SLA: variants seen among roughly 807,000 people sequenced by gnomAD.
The protein encoded by SLA is Src like adaptor, also known as src-like-adapter.
Under a neutral mutation model 30.3 loss-of-function variants are expected in SLA, and 16 were observed. That is an observed-to-expected ratio of 0.53 (90% CI 0.36 to 0.80). The LOEUF is 0.80. Ranked by LOEUF, SLA falls within the 30% of genes least tolerant of loss-of-function variation. The pLI is 0.01. For missense variants in SLA, 310 were observed against 345.2 expected (o/e 0.90, Z 0.81); for synonymous variants, 143 against 137.8 (o/e 1.04, Z -0.26).
At chr8:133,051,084 G>T (rs140451912) in intron 3 of SLA, among the ~76,000 whole-genome samples, 169 bp from the exon 4 acceptor site, 320 of 152,320 alleles carry the variant, frequency 2.1e-3, no homozygotes, top group Non-Finnish European at 3.3e-3. Context: ...AGATGGCTCT[G>T]CAGGGTGTGC....
At chr8:133,050,752 C>G in intron 4 of SLA, 64 bp downstream of exon 4, 1 of 1,089,014 alleles carries the variant, frequency 9.2e-7, no homozygotes, top group Non-Finnish European at 1.4e-6. Flanking sequence ...CAATCAAATA[C>G]TTTTCTCCCA....
chr8:133,049,835 G>C lies in SLA; in HGVS notation c.248+67C>G, dbSNP rs538701509. On this transcript the variant is annotated intron_variant, in intron 5 of 8. Transcript: ENST00000338087. The stretch of plus-strand genomic sequence containing the variant: ...TACCACTATGAATGCTGGAATCTTT[G>C]TTCCACCTTATGAGTCACCAGCATA... 2.1e-4 allele frequency: 223 copies of C among 1,047,118 alleles called. 1 individual carries two copies. In the African/African-American group the frequency reaches 2.9e-3, roughly 14 times the overall value. 64.9% of individuals were successfully genotyped at this position (1,047,118 alleles called of 1,614,324 possible). A position where few individuals can be genotyped will look rare whatever the true frequency, so the allele number is the denominator to read the frequency against.
intron 3 of SLA, among the ~76,000 whole-genome samples, chr8:133,054,492 C>A (rs1283162776): frequency 6.6e-6 from 1 of 152,174 alleles, no homozygotes; most frequent in Non-Finnish European, 1.5e-5. Flanking sequence ...TTGCCAAAAT[C>A]TGCCTCATAG....
intron 3 of SLA, among the ~76,000 whole-genome samples, 178 bp from the exon 4 acceptor site, chr8:133,051,093 G>A (rs1192908220): frequency 1.3e-5 from 2 of 152,162 alleles, no homozygotes; most frequent in Non-Finnish European, 2.9e-5. Context: ...TGCAGGGTGT[G>A]CGTACGAGCC....
intron 1 of SLA, among the ~76,000 whole-genome samples, chr8:133,089,406 A>G (rs1342124819): frequency 6.6e-6 from 1 of 152,186 alleles, no homozygotes; most frequent in Non-Finnish European, 1.5e-5. Flanking sequence ...AGCACTGAGA[A>G]TGCAAAGACA....
At chr8:133,087,812 G>A (rs1290672806) in intron 1 of SLA, 1 of 152,192 alleles carries the variant, frequency 6.6e-6, no homozygotes, top group Non-Finnish European at 1.5e-5. Context: ...GGGACTGGAT[G>A]CCTGTGAATG....
Position 133,036,919 on chromosome 8 carries a change from G to A in SLA, c.*1605C>T, listed in dbSNP as rs1479795481. 1 of 152,368 alleles carries A rather than the reference G, an allele frequency of 6.6e-6. No homozygotes were observed. The highest frequency in any genetic ancestry group is 1.5e-5 in the Non-Finnish European group (1 of 68,038). The allele number at this position is 152,368 out of a possible 1,614,324, so 9.4% of individuals were successfully genotyped here. A position where few individuals can be genotyped will look rare whatever the true frequency, so the allele number is the denominator to read the frequency against. ...AGTTCAGGGGGTCACCCTGCCTTAT[G>A]CGGGAAGTCAATGTCCACAGTGTTA... is the stretch of plus-strand genomic sequence containing the variant. On this transcript the variant is annotated 3_prime_UTR_variant, in exon 9 of 9. Transcript: ENST00000338087.
At chr8:133,066,138 A>G (rs1192662871) in intron 2 of SLA, among the ~76,000 whole-genome samples, 2 of 152,088 alleles carry the variant, frequency 1.3e-5, no homozygotes, top group African/African-American at 2.4e-5. Flanking sequence ...CCTGGCTGAC[A>G]TGGTGAAACC....
intron 5 of SLA, 70 bp downstream of exon 5, chr8:133,049,832 T>C: frequency 1.9e-6 from 2 of 1,033,892 alleles, no homozygotes; most frequent in Admixed American, 3.4e-5. Flanking sequence ...TGCTGGAATC[T>C]TTGTTCCACC....
intron 2 of SLA, chr8:133,064,233 C>G (rs1403068529): frequency 6.6e-6 from 1 of 152,120 alleles, no homozygotes; most frequent in Non-Finnish European, 1.5e-5. Context: ...GCCTGATAAC[C>G]CCATTTAATT....
chr8:133,098,842 A>G (rs1848829171), intron 1 of SLA, among the ~76,000 whole-genome samples: 1 of 152,130 alleles, frequency 6.6e-6, no homozygotes, highest in Non-Finnish European at 1.5e-5. Flanking sequence ...ATGCCCGTTC[A>G]TTGTGAGAGG....
intron 2 of SLA, 37 bp from the exon 3 acceptor site, chr8:133,060,237 G>T (rs1441033570): frequency 1.2e-6 from 2 of 1,612,690 alleles, no homozygotes; most frequent in Admixed American, 3.3e-5. Flanking sequence ...AGTCAACCGT[G>T]CCCTGAGCCC....
At chr8:133,040,371 T>C (rs1410995646) in intron 7 of SLA, 1 of 500,916 alleles carries the variant, frequency 2.0e-6, no homozygotes, top group African/African-American at 1.9e-5. Context: ...GAGAGAGAGG[T>C]TTAAGATCCA....
intron 3 of SLA, among the ~76,000 whole-genome samples, chr8:133,056,482 A>G (rs923696083): frequency 1.3e-5 from 2 of 152,298 alleles, no homozygotes; most frequent in East Asian, 3.9e-4. Context: ...CTTCCAGAGC[A>G]TGGGGGCTTC....
At chr8:133,093,789 C>T (rs1847962668) in intron 1 of SLA, among the ~76,000 whole-genome samples, 1 of 152,198 alleles carries the variant, frequency 6.6e-6, no homozygotes, top group Admixed American at 6.5e-5. Flanking sequence ...TTCACAGTGG[C>T]TCAGTGTTTG....
chr8:133,044,294 T>C (rs1227061785), intron 7 of SLA, among the ~76,000 whole-genome samples: 6 of 152,138 alleles, frequency 3.9e-5, no homozygotes, highest in Non-Finnish European at 7.4e-5. Context: ...GGCAGTATCC[T>C]ACACTCTTCC....
intron 2 of SLA, among the ~76,000 whole-genome samples, chr8:133,064,545 CT>C (rs1175423453): frequency 1.3e-5 from 2 of 152,220 alleles, no homozygotes; most frequent in East Asian, 3.8e-4. Context: ...AGGACCTACA[CT>C]TTTTGTTCAG....
chr8:133,086,657 A>G (rs1000196456), intron 1 of SLA, among the ~76,000 whole-genome samples: 4 of 152,232 alleles, frequency 2.6e-5, no homozygotes, highest in African/African-American at 4.8e-5. Flanking sequence ...TATTGTCTGT[A>G]ACATCATAAA....
intron 3 of SLA, among the ~76,000 whole-genome samples, chr8:133,053,113 T>G: frequency 6.6e-6 from 1 of 152,190 alleles, no homozygotes; most frequent in East Asian, 1.9e-4. Context: ...CACACCCTGC[T>G]CTTCCCTCCT....
Sources: gnomAD v4.1 joint callset for allele counts (sites outside exome capture counted in the v4.1 genomes callset) on GRCh38, gnomAD v4.1.1 for gene constraint, MANE v1.5 for transcripts, NCBI Gene and HGNC (gene_info 2026-07-23, HGNC 2026-07-21) for gene names.